Variants in HEATR5B observed in about 807,000 individuals in gnomAD.
The protein encoded by HEATR5B is HEAT repeat containing 5B.
HEATR5B carries 156 observed loss-of-function variants against 224.1 expected under a neutral mutation model. That is an observed-to-expected ratio of 0.70 (90% CI 0.61 to 0.80). HEATR5B has a LOEUF of 0.80. HEATR5B is among the 30% of genes least tolerant of loss of function. HEATR5B has a pLI of 0.00. For missense variants in HEATR5B, 2,323 were observed against 2,535.5 expected, an observed-to-expected ratio of 0.92 and a Z score of 1.80; for synonymous variants, 1,027 against 893.0, an observed-to-expected ratio of 1.15 and a Z score of -2.68.
At chr2:37,025,149 T>C (rs992769502) in intron 24 of HEATR5B, among the ~76,000 whole-genome samples, 2 of 152,114 alleles carry the variant, frequency 1.3e-5, no homozygotes, top group East Asian at 1.9e-4. Flanking sequence ...AGAATCAGAA[T>C]GGCAGGCGGT....
At chr2:37,072,557 G>T (rs951411933) in intron 5 of HEATR5B, among the ~76,000 whole-genome samples, 10 of 152,118 alleles carry the variant, frequency 6.6e-5, no homozygotes, top group African/African-American at 2.4e-4. Context: ...AAAAGAAGAA[G>T]GGTCTCAAAT....
chr2:37,020,608 C>G, intron 25 of HEATR5B, 47 bp downstream of exon 25: 1 of 1,402,310 alleles, frequency 7.1e-7, no homozygotes, highest in Non-Finnish European at 9.5e-7. Context: ...CTTCAGCAAT[C>G]TTTCAAAAGA....
intron 31 of HEATR5B, 98 bp from the exon 32 acceptor site, chr2:37,002,670 C>A: frequency 8.5e-7 from 1 of 1,181,568 alleles, no homozygotes; most frequent in Non-Finnish European, 1.2e-6. Context: ...AATTTATAAG[C>A]AAATGTCAAA....
chr2:36,983,226 A>AC (rs1665699918), intron 35 of HEATR5B, among the ~76,000 whole-genome samples: 1 of 152,094 alleles, frequency 6.6e-6, no homozygotes, highest in Non-Finnish European at 1.5e-5. Flanking sequence ...TCCCTCATGT[A>AC]CAATGTTAAT....
In HEATR5B at chr2:37,000,549, T is replaced by C. The variant is rs769463565; in HGVS notation, c.5545+37A>G. 5.3e-6 allele frequency: 8 copies of C among 1,521,584 alleles called. No homozygotes were observed. In the African/African-American group the frequency reaches 6.8e-5, roughly 13 times the overall value. The allele number at this position is 1,521,584 out of a possible 1,614,324, so 94.3% of individuals were successfully genotyped here. A position where few individuals can be genotyped will look rare whatever the true frequency, so the allele number is the denominator to read the frequency against. On this transcript the variant is annotated intron_variant, in intron 33 of 35. Transcript: ENST00000233099. ...TAATTCATTACTTAGGGAACACATA[T>C]CCTAACTAACTAAAACGTTTAAAAC...
At chr2:37,000,506 C>T in intron 33 of HEATR5B, 80 bp downstream of exon 33, 1 of 1,105,922 alleles carries the variant, frequency 9.0e-7, no homozygotes, top group Non-Finnish European at 1.4e-6. Flanking sequence ...CAGCAGTTTT[C>T]TGATAAGCTT....
chr2:37,028,691 T>C lies in HEATR5B; in HGVS notation c.3591A>G (p.Ala1197=), dbSNP rs1383894817. 6.2e-7 allele frequency: 1 copy of C among 1,613,904 alleles called. No homozygotes were observed. Among genetic ancestry groups the C allele is most frequent in the Non-Finnish European group, 8.5e-7 (1 of 1,179,926 alleles). The part of the protein sequence containing the change: ...HWLMLCKDVL[A]ASSDMSTATL... ...ACATTAAATACTTACCACTAGAAGC[T>C]GCCAGGACATCTTTACAAAGCATTA... Residue 1197 remains alanine (A), a synonymous_variant, in exon 23 of 36, where the codon GCA becomes GCG. Coordinates refer to ENST00000233099, the MANE Select transcript of HEATR5B (RefSeq NM_019024.3).
intron 30 of HEATR5B, among the ~76,000 whole-genome samples, 161 bp downstream of exon 30, chr2:37,005,471 C>A (rs1667350094): frequency 6.6e-6 from 1 of 152,042 alleles, no homozygotes; most frequent in Non-Finnish European, 1.5e-5. Context: ...GCAGACCAGG[C>A]ACAGAGTAAA....
intron 22 of HEATR5B, among the ~76,000 whole-genome samples, chr2:37,031,741 T>C (rs1045541108): frequency 2.0e-5 from 3 of 152,330 alleles, no homozygotes; most frequent in African/African-American, 7.2e-5. Flanking sequence ...AAGTTATTCT[T>C]GTATCTTGCT....
chr2:37,076,528 T>G (rs531037286), intron 4 of HEATR5B, among the ~76,000 whole-genome samples: 1 of 152,220 alleles, frequency 6.6e-6, no homozygotes, highest in East Asian at 1.9e-4. Context: ...TGCTGACACT[T>G]TATCGCAGAC....
At position 36,992,547 on chromosome 2, in the gene HEATR5B, C is replaced by T. The variant is rs965268494; in HGVS notation, c.5546-1748G>A. 2.6e-5 allele frequency among the ~76,000 whole-genome samples: 4 copies of T among 152,170 alleles called. No individual in the cohort carries two copies. In the South Asian group the frequency reaches 8.3e-4, roughly 32 times the overall value. On this transcript the variant is annotated intron_variant, in intron 33 of 35. Coordinates refer to ENST00000233099, the MANE Select transcript of HEATR5B (RefSeq NM_019024.3). ...AGTGAGCTGCGTTCATGCCACCACA[C>T]TCCAGCCTGGGTGACAGAGTGAGAC... is the stretch of plus-strand genomic sequence containing the variant.
In HEATR5B at chr2:37,019,235, C is replaced by T. The variant is rs192706538; in HGVS notation, c.4104+574G>A. On this transcript the variant is annotated intron_variant, in intron 26 of 35. Coordinates refer to ENST00000233099, the MANE Select transcript of HEATR5B (RefSeq NM_019024.3). ...CAGATATAACAAGGTGAGAATAATT[C>T]CCTGGGATTAATTTTGCAATGAAAT... 2.8e-3 allele frequency among the ~76,000 whole-genome samples: 430 copies of T among 151,386 alleles called. 1 individual carries two copies. Among genetic ancestry groups the T allele is most frequent in the Non-Finnish European group, 4.9e-3 (332 of 67,906 alleles).
chr2:37,015,070 T>C (rs1668031372), intron 26 of HEATR5B, among the ~76,000 whole-genome samples: 1 of 152,182 alleles, frequency 6.6e-6, no homozygotes, highest in Non-Finnish European at 1.5e-5. Flanking sequence ...GGGAATGTTT[T>C]ATGACTGTAA....
chr2:36,996,307 C>A (rs1182686508), intron 33 of HEATR5B, among the ~76,000 whole-genome samples: 1 of 152,038 alleles, frequency 6.6e-6, no homozygotes, highest in African/African-American at 2.4e-5. Context: ...GATTTGCCTG[C>A]CTTGGCCTCT....
At chr2:37,041,543 C>T (rs1398706700) in intron 18 of HEATR5B, among the ~76,000 whole-genome samples, 2 of 152,018 alleles carry the variant, frequency 1.3e-5, no homozygotes, top group African/African-American at 2.4e-5. Flanking sequence ...CCCAGGAGTT[C>T]GAGACCAGTC....
At chr2:37,017,040 G>T (rs1011629592) in intron 26 of HEATR5B, among the ~76,000 whole-genome samples, 6 of 152,162 alleles carry the variant, frequency 3.9e-5, no homozygotes, top group African/African-American at 1.4e-4. Context: ...AAATTTGGTA[G>T]AAATATAACT....
intron 21 of HEATR5B, among the ~76,000 whole-genome samples, chr2:37,033,360 T>C (rs1026427407): frequency 6.6e-6 from 1 of 152,160 alleles, no homozygotes; most frequent in Non-Finnish European, 1.5e-5. Context: ...TCATACAATA[T>C]ACTTAAATGA....
chr2:37,053,078 C>G (rs957729973), intron 17 of HEATR5B, among the ~76,000 whole-genome samples: 9 of 152,090 alleles, frequency 5.9e-5, no homozygotes, highest in African/African-American at 2.2e-4. Context: ...ACTCTGGACA[C>G]AAACCTAGAG....
chr2:37,058,952 G>A lies in HEATR5B; in HGVS notation c.1885C>T (p.Leu629=), dbSNP rs765873419. The change falls in exon 13 of 36, where the codon CTA becomes TTA. Residue 629 remains leucine, a synonymous_variant. Coordinates refer to ENST00000233099, the MANE Select transcript of HEATR5B (RefSeq NM_019024.3). The part of the protein sequence containing the change: ...RSFVAHCPEL[L]TEDVIRKLMT... ...AATTTTCGAATCACATCTTCAGTTAGTAGCTCAGGACAATGTGCAACGAAG... is the reference window on the plus strand; with the variant it reads ...AATTTTCGAATCACATCTTCAGTTAATAGCTCAGGACAATGTGCAACGAAG... 8 of 1,611,136 alleles carry A rather than the reference G, an allele frequency of 5.0e-6. No individual in the cohort carries two copies. The Admixed American group carries it at 1.3e-4, about 27-fold the overall frequency.
Sources: gnomAD v4.1 joint callset for allele counts (sites outside exome capture counted in the v4.1 genomes callset) on GRCh38, gnomAD v4.1.1 for gene constraint, MANE v1.5 for transcripts, NCBI Gene and HGNC (gene_info 2026-07-23, HGNC 2026-07-21) for gene names.